CRAMP1: variants seen among roughly 807,000 people sequenced by gnomAD.
CRAMP1 encodes the protein protein cramped-like.
In CRAMP1, 50 loss-of-function variants were observed where a neutral mutation model predicts 115.4. That is an observed-to-expected ratio of 0.43 (90% CI 0.35 to 0.55). The LOEUF is 0.55. Ranked by LOEUF, CRAMP1 falls within the 20% of genes least tolerant of loss-of-function variation. The pLI is 0.01. For synonymous variants in CRAMP1, 866 were observed against 745.4 expected (o/e 1.16, Z -2.64); for missense variants, 1,679 against 1,721.7 (o/e 0.98, Z 0.44).
At chr16:1,631,769 G>A (rs1204919889) in intron 3 of CRAMP1, among the ~76,000 whole-genome samples, 2 of 152,204 alleles carry the variant, frequency 1.3e-5, no homozygotes, top group African/African-American at 4.8e-5. Flanking sequence ...TGCTGTCCTC[G>A]TTTGAATATG....
chr16:1,662,563 C>A lies in CRAMP1; in HGVS notation c.2487C>A (p.Gly829=). 5 of 1,613,978 alleles carry A rather than the reference C, an allele frequency of 3.1e-6. No individual in the cohort carries two copies. Among genetic ancestry groups the A allele is most frequent in the Non-Finnish European group, 4.2e-6 (5 of 1,179,848 alleles). ...CAGGAAGCAATGACTCAGATGGAGG[C>A]CTTTTTGCTGTCCCGACAACCTTGC... is the stretch of plus-strand genomic sequence containing the variant. ...SSTGSNDSDG[G]LFAVPTTLPP... is the part of the protein sequence containing the mutation. The change falls in exon 12 of 21, where the codon GGC becomes GGA. Residue 829 remains glycine (G), a synonymous_variant. Coordinates refer to ENST00000397412, the MANE Select transcript of CRAMP1 (RefSeq NM_020825.4).
intron 5 of CRAMP1, among the ~76,000 whole-genome samples, chr16:1,640,098 C>T (rs1194295251): frequency 4.6e-5 from 7 of 152,188 alleles, no homozygotes; most frequent in Admixed American, 2.0e-4. Flanking sequence ...GAGCCCTTTC[C>T]GGTGCTTTTC....
chr16:1,622,235 G>A (rs1338046990), intron 2 of CRAMP1, among the ~76,000 whole-genome samples: 6 of 152,212 alleles, frequency 3.9e-5, no homozygotes, highest in Admixed American at 6.5e-5. Context: ...AGTTTAGGCC[G>A]GGCGCAGTGG....
intron 4 of CRAMP1, among the ~76,000 whole-genome samples, chr16:1,634,534 G>A (rs151241265): frequency 1.3e-5 from 2 of 152,124 alleles, no homozygotes; most frequent in Non-Finnish European, 2.9e-5. Flanking sequence ...TCCCTTCTCC[G>A]TGTGGGCCCC....
chr16:1,633,170 G>A (rs966786603), intron 4 of CRAMP1, among the ~76,000 whole-genome samples: 10 of 152,296 alleles, frequency 6.6e-5, no homozygotes, highest in Admixed American at 2.0e-4. Flanking sequence ...CCTGTGCCTC[G>A]TGGTGACCTA....
At chr16:1,651,200 G>A (rs2036719496) in intron 6 of CRAMP1, among the ~76,000 whole-genome samples, 1 of 148,108 alleles carries the variant, frequency 6.8e-6, no homozygotes, top group African/African-American at 2.5e-5. Context: ...GGTCACACAG[G>A]TCACAAAAAG....
chr16:1,616,896 G>C (rs2036425053), intron 2 of CRAMP1, among the ~76,000 whole-genome samples: 1 of 151,024 alleles, frequency 6.6e-6, no homozygotes, highest in African/African-American at 2.4e-5. Flanking sequence ...CTCATTGCAA[G>C]CTCTGCCTCC....
intron 10 of CRAMP1, among the ~76,000 whole-genome samples, chr16:1,658,952 G>A (rs1180884662): frequency 6.6e-6 from 1 of 152,110 alleles, no homozygotes; most frequent in African/African-American, 2.4e-5. Flanking sequence ...TCTTCCCAGC[G>A]GTGGTGGCGT....
Position 1,639,304 on chromosome 16 carries a change from AT to A in CRAMP1, c.778+1400del. 2.0e-5 allele frequency among the ~76,000 whole-genome samples: 3 copies of A among 152,018 alleles called. No individual in the cohort carries two copies. In the East Asian group the frequency reaches 5.8e-4, roughly 30 times the overall value. ...GAAGAATGAAGCAACAAAAGCAGAG[AT>A]TTATTGAAAACCAAAGTACACTCCA... On this transcript the variant is annotated intron_variant, in intron 5 of 20. Transcript: ENST00000397412.
chr16:1,625,752 CTG>C (rs1272299187), intron 2 of CRAMP1: 5 of 488,750 alleles, frequency 1.0e-5, no homozygotes, highest in Non-Finnish European at 1.8e-5. Context: ...CCTTTTCTAA[CTG>C]TAAAAACATT....
intron 2 of CRAMP1, among the ~76,000 whole-genome samples, chr16:1,620,369 C>G (rs573894578): frequency 6.6e-6 from 1 of 152,156 alleles, no homozygotes; most frequent in Admixed American, 6.5e-5. Flanking sequence ...TCTGGAGATG[C>G]CCTTCCACGA....
intron 6 of CRAMP1, among the ~76,000 whole-genome samples, chr16:1,649,056 C>T (rs77236275): frequency 7.0e-6 from 1 of 142,202 alleles, no homozygotes; most frequent in Non-Finnish European, 1.5e-5. Context: ...AAGACTCCAT[C>T]TAAAAAAAAA....
intron 6 of CRAMP1, among the ~76,000 whole-genome samples, chr16:1,646,045 G>A (rs928621853): frequency 3.3e-5 from 5 of 152,060 alleles, no homozygotes; most frequent in African/African-American, 1.2e-4. Flanking sequence ...CTTCTGAGAT[G>A]GGCGTCCCCA....
chr16:1,662,702 C>G, intron 12 of CRAMP1, 31 bp downstream of exon 12: 1 of 1,613,652 alleles, frequency 6.2e-7, no homozygotes, highest in Non-Finnish European at 8.5e-7. Flanking sequence ...CGCCCGCGTG[C>G]GAGCGTCCCC....
At chr16:1,641,031 T>A (rs958357989) in intron 5 of CRAMP1, 108 bp from the exon 6 acceptor site, 35 of 730,922 alleles carry the variant, frequency 4.8e-5, no homozygotes, top group Non-Finnish European at 7.2e-5. Flanking sequence ...AACTTTAATA[T>A]TCGGTAATGG....
intron 6 of CRAMP1, among the ~76,000 whole-genome samples, chr16:1,651,964 CAG>C (rs1287156663): frequency 2.0e-5 from 3 of 150,634 alleles, no homozygotes; most frequent in East Asian, 2.0e-4. Flanking sequence ...TGAGGTCACA[CAG>C]AGGTCATGGG....
At chr16:1,660,939 G>A (rs1158402687) in intron 11 of CRAMP1, among the ~76,000 whole-genome samples, 1 of 152,144 alleles carries the variant, frequency 6.6e-6, no homozygotes, top group Non-Finnish European at 1.5e-5. Context: ...AACCCGGAAG[G>A]CGGAGGTTGC....
At chr16:1,640,023 G>T (rs2036619131) in intron 5 of CRAMP1, among the ~76,000 whole-genome samples, 1 of 152,184 alleles carries the variant, frequency 6.6e-6, no homozygotes, top group African/African-American at 2.4e-5. Context: ...CGGTGACCCT[G>T]TGGCATGCCA....
chr16:1,631,760 G>A (rs1442315302), intron 3 of CRAMP1, among the ~76,000 whole-genome samples: 12 of 152,258 alleles, frequency 7.9e-5, no homozygotes, highest in Admixed American at 7.9e-4. Context: ...GCTCACGTTT[G>A]CTGTCCTCGT....
Sources: allele counts gnomAD v4.1 joint callset (sites outside exome capture counted in the v4.1 genomes callset), GRCh38; gene constraint gnomAD v4.1.1; transcripts MANE v1.5; gene names NCBI Gene and HGNC (gene_info 2026-07-23, HGNC 2026-07-21).